The following KIF13B variants were observed in gnomAD, a reference collection of about 807,000 sequenced individuals.
KIF13B encodes kinesin-like protein KIF13B.
Under a neutral mutation model 222.0 loss-of-function variants are expected in KIF13B, and 127 were observed. The ratio of observed to expected loss-of-function variants is 0.57; its 90% confidence interval spans 0.50 to 0.66. KIF13B has a LOEUF of 0.66. KIF13B is among the 30% of genes least tolerant of loss of function. The probability of loss-of-function intolerance (pLI) is 0.00; values close to 1 mark genes in which losing one functional copy is unlikely to be tolerated. For missense variants in KIF13B, 2,173 were observed against 2,379.0 expected (o/e 0.91, Z 1.80); for synonymous variants, 976 against 919.0 (o/e 1.06, Z -1.12).
Position 29,089,971 on chromosome 8 carries a change from C to T in KIF13B, c.4458+2774G>A, listed in dbSNP as rs528517009. Among the ~76,000 whole-genome samples the T allele has an allele frequency of 5.9e-5, 9 of 152,158 alleles. No individual in the cohort carries two copies. In the East Asian group the frequency reaches 1.7e-3, roughly 29 times the overall value. On this transcript the variant is annotated intron_variant, in intron 37 of 39. Coordinates refer to ENST00000524189, the MANE Select transcript of KIF13B (RefSeq NM_015254.4). ...GTTCTGGTGTGGCTGTTCAACAAAG[C>T]CCACTCTAGACTCAGACGTCCTTCC...
Position 29,070,177 on chromosome 8 carries a change from C to T in KIF13B, c.*327G>A, listed in dbSNP as rs1807188292. The T allele has an allele frequency of 5.1e-6, 2 of 392,658 alleles. No individual in the cohort carries two copies. The highest frequency in any genetic ancestry group is 2.8e-5 in the South Asian group (1 of 35,916). 24.3% of individuals were successfully genotyped at this position (392,658 alleles called of 1,614,324 possible). On this transcript the variant is annotated 3_prime_UTR_variant, in exon 40 of 40. Coordinates refer to ENST00000524189, the MANE Select transcript of KIF13B (RefSeq NM_015254.4). This position sits in a 1 kb window ranked among gnomAD's most constrained non-coding sequence, Gnocchi z 4.1. The stretch of plus-strand genomic sequence containing the variant: ...AGAATGGAAATGATAGAAAGAGCAA[C>T]ATAAGGCCCCAGGCACAGGCACACA...
At chr8:29,248,797 T>C (rs1266888372) in intron 1 of KIF13B, among the ~76,000 whole-genome samples, 6 of 152,200 alleles carry the variant, frequency 3.9e-5, no homozygotes, top group Non-Finnish European at 8.8e-5. Flanking sequence ...AAACCATACA[T>C]TGTATGATTC....
intron 9 of KIF13B, among the ~76,000 whole-genome samples, chr8:29,176,601 G>A (rs964717741): frequency 1.3e-5 from 2 of 152,134 alleles, no homozygotes; most frequent in African/African-American, 4.8e-5. Context: ...GTCCTTCTGG[G>A]AGCCAAGGAC....
Position 29,116,908 on chromosome 8 carries a change from T to C in KIF13B, c.3760A>G (p.Thr1254Ala), listed in dbSNP as rs1181614847. 3 of 1,613,408 alleles carry C rather than the reference T, an allele frequency of 1.9e-6. No individual in the cohort carries two copies. Among genetic ancestry groups the C allele is most frequent in the Non-Finnish European group, 2.5e-6 (3 of 1,179,612 alleles). Residue 1254 changes from threonine (T) to alanine (A), a missense_variant, in exon 31 of 40, where the codon ACG (threonine) becomes GCG (alanine). Physicochemically the swap from Thr to Ala is moderately conservative, Grantham distance 58. Around this residue, in one of 2 missense-constraint regions of KIF13B, gnomAD observed 1,480 missense variants for 1,722.8 expected, o/e 0.86. Transcript: ENST00000524189. ...DERLFLIVRV[T>A]VQLSHPADMQ... is the part of the protein sequence containing the mutation. ...TCAGCAGGGTGGCTGAGCTGGACCG[T>C]CACGCGCACGATCAGGAACAACCGC...
chr8:29,095,496 G>A (rs1174472195), intron 36 of KIF13B, among the ~76,000 whole-genome samples: 2 of 152,240 alleles, frequency 1.3e-5, no homozygotes, highest in Non-Finnish European at 2.9e-5. Flanking sequence ...GCTGGGTGCG[G>A]TGGCTCACGC....
chr8:29,223,527 G>A (rs1400479923), intron 2 of KIF13B, among the ~76,000 whole-genome samples: 1 of 152,040 alleles, frequency 6.6e-6, no homozygotes, highest in Non-Finnish European at 1.5e-5. Flanking sequence ...ATGGATAAAA[G>A]ATAGATCAAT....
intron 17 of KIF13B, among the ~76,000 whole-genome samples, chr8:29,146,896 G>T (rs958979390): frequency 6.6e-6 from 1 of 152,200 alleles, no homozygotes; most frequent in African/African-American, 2.4e-5. Flanking sequence ...GAAGCTGCCT[G>T]CCTGCAGACC....
intron 4 of KIF13B, chr8:29,189,963 C>A (rs1813105181): frequency 2.0e-5 from 3 of 152,216 alleles, no homozygotes; most frequent in African/African-American, 7.2e-5. Context: ...AGGGTGTTGT[C>A]TGTACTTTCT....
intron 1 of KIF13B, among the ~76,000 whole-genome samples, chr8:29,257,339 GT>G (rs990836798): frequency 6.9e-4 from 101 of 147,434 alleles, no homozygotes; most frequent in Non-Finnish European, 1.1e-3. Context: ...TCGAGTTTTT[GT>G]TTTTTTTTTT....
intron 12 of KIF13B, among the ~76,000 whole-genome samples, chr8:29,164,898 A>G (rs543628762): frequency 6.6e-6 from 1 of 150,734 alleles, no homozygotes; most frequent in East Asian, 1.9e-4. Context: ...CCCAGGCTGG[A>G]GTGCAGTGGC....
chr8:29,257,127 A>G (rs931429877), intron 1 of KIF13B, among the ~76,000 whole-genome samples: 12 of 152,204 alleles, frequency 7.9e-5, no homozygotes, highest in African/African-American at 2.4e-4. Context: ...CATTGCTCGC[A>G]AATAGAAAGT....
chr8:29,148,254 G>A (rs1339857088), intron 16 of KIF13B, among the ~76,000 whole-genome samples: 2 of 152,186 alleles, frequency 1.3e-5, no homozygotes, highest in African/African-American at 4.8e-5. Context: ...TCAGATCAAA[G>A]TGATCTGACT....
intron 35 of KIF13B, among the ~76,000 whole-genome samples, chr8:29,107,690 A>G (rs1169435073): frequency 6.6e-6 from 1 of 151,178 alleles, no homozygotes; most frequent in Admixed American, 6.6e-5. Context: ...CCTCCCGAGT[A>G]GCTGGGACTA....
chr8:29,216,030 G>A (rs959586486), intron 2 of KIF13B, among the ~76,000 whole-genome samples: 2 of 152,148 alleles, frequency 1.3e-5, no homozygotes, highest in African/African-American at 4.8e-5. Context: ...CGGAGATGAA[G>A]GGAGATTTGC....
intron 8 of KIF13B, 30 bp from the exon 9 acceptor site, chr8:29,177,608 A>C: frequency 2.2e-6 from 3 of 1,384,214 alleles, no homozygotes; most frequent in Non-Finnish European, 3.1e-6. Flanking sequence ...ATACTAATCA[A>C]CAGGAACACA....
At chr8:29,190,506 T>G in intron 4 of KIF13B, 1 of 160,094 alleles carries the variant, frequency 6.2e-6, no homozygotes, top group Non-Finnish European at 1.4e-5. Flanking sequence ...ACCCTCTGTA[T>G]CTCTTCATCT....
In KIF13B at chr8:29,230,698, T is replaced by A. The variant is rs117173627; in HGVS notation, c.149+14648A>T. 1.9e-4 allele frequency among the ~76,000 whole-genome samples: 29 copies of A among 152,030 alleles called. No individual in the cohort carries two copies. The East Asian group carries it at 4.8e-3, about 25-fold the overall frequency. On this transcript the variant is annotated intron_variant, in intron 2 of 39. Transcript: ENST00000524189. ...CAGACTGAGCTGGCAACAGCCAGGG[T>A]TGAAAAGTGATCAAAGGCTCCAAGG...
In KIF13B at chr8:29,132,260, A is replaced by T. The variant is rs776570902; in HGVS notation, c.2942+48T>A. The T allele has an allele frequency of 3.7e-6, 5 of 1,348,322 alleles. No homozygotes were observed. In the East Asian group the frequency reaches 1.1e-4, roughly 29 times the overall value. The allele number at this position is 1,348,322 out of a possible 1,614,324, so 83.5% of individuals were successfully genotyped here. On this transcript the variant is annotated intron_variant, in intron 23 of 39. Transcript: ENST00000524189. ...ATGAGACTGTCTCAAAAAACAAAAA[A>T]AAAATTACATATATATAAATGGAAT...
At chr8:29,092,092 T>G (rs1010598477) in intron 37 of KIF13B, among the ~76,000 whole-genome samples, 1 of 152,258 alleles carries the variant, frequency 6.6e-6, no homozygotes, top group Non-Finnish European at 1.5e-5. Context: ...TATGTGTTTT[T>G]GAATGAGTAT....
Sources: allele counts gnomAD v4.1 joint callset (sites outside exome capture counted in the v4.1 genomes callset), GRCh38; gene constraint gnomAD v4.1.1; regional missense constraint gnomAD v4.1.1; non-coding constraint Gnocchi (gnomAD v3.1); transcripts MANE v1.5; gene names NCBI Gene and HGNC (gene_info 2026-07-23, HGNC 2026-07-21).